The following AIG1 variants were observed in gnomAD, a reference collection of about 807,000 sequenced individuals.
The protein encoded by AIG1 is androgen induced 1, also known as androgen-induced gene 1 protein.
In AIG1, 23 loss-of-function variants were observed where a neutral mutation model predicts 31.4. That is an observed-to-expected ratio of 0.73 (90% CI 0.53 to 1.04). The LOEUF is 1.04. AIG1 is among the 50% of genes least tolerant of loss of function. The pLI is 0.00. For synonymous variants in AIG1, 100 were observed against 110.5 expected (o/e 0.90, Z 0.60); for missense variants, 274 against 295.0 (o/e 0.93, Z 0.52).
At chr6:143,301,707 C>A (rs974103062) in intron 4 of AIG1, among the ~76,000 whole-genome samples, 5 of 152,072 alleles carry the variant, frequency 3.3e-5, no homozygotes, top group African/African-American at 4.8e-5. Context: ...GGGAAACTGC[C>A]CCCATGATTC....
chr6:143,235,997 G>C (rs546921341), intron 3 of AIG1, among the ~76,000 whole-genome samples: 1 of 152,174 alleles, frequency 6.6e-6, no homozygotes, highest in African/African-American at 2.4e-5. Flanking sequence ...GAGATGAGAA[G>C]ACCTTCCTAC....
intron 3 of AIG1, among the ~76,000 whole-genome samples, chr6:143,251,023 T>C (rs1270527758): frequency 2.0e-5 from 3 of 152,204 alleles, no homozygotes; most frequent in Non-Finnish European, 4.4e-5. Flanking sequence ...TTCATGTTTT[T>C]ATCTTCCAGA....
At chr6:143,189,195 C>T (rs944823088) in intron 3 of AIG1, 2 of 407,812 alleles carry the variant, frequency 4.9e-6, no homozygotes, top group South Asian at 2.0e-4. Context: ...AGATGTGGAC[C>T]ACCACCCCTG....
rs114084783 is a variant in AIG1 at position 143,156,736 on chromosome 6, A to C, written c.298-8346A>C. On this transcript the variant is annotated intron_variant, in intron 2 of 5. Coordinates refer to ENST00000357847, the MANE Select transcript of AIG1 (RefSeq NM_016108.4). ...AGAGAGGGAAGCTCACCCATATTGC[A>C]GTTGTAACTGAGACATACTAGGAGC... 4.1e-3 allele frequency among the ~76,000 whole-genome samples: 617 copies of C among 152,342 alleles called. 5 individuals are homozygous for C. The highest frequency in any genetic ancestry group is 0.014 in the African/African-American group (575 of 41,576).
At chr6:143,070,731 A>G (rs1466986213) in intron 1 of AIG1, among the ~76,000 whole-genome samples, 1 of 152,226 alleles carries the variant, frequency 6.6e-6, no homozygotes, top group Non-Finnish European at 1.5e-5. Flanking sequence ...CTGTTAACAC[A>G]TTAATCCATT....
chr6:143,246,545 T>G (rs1794637950), intron 3 of AIG1, among the ~76,000 whole-genome samples: 1 of 152,172 alleles, frequency 6.6e-6, no homozygotes, highest in Non-Finnish European at 1.5e-5. Context: ...AGATGAGATT[T>G]AGGTGGAGAC....
chr6:143,263,275 G>T (rs1202756768), intron 3 of AIG1, among the ~76,000 whole-genome samples: 5 of 146,498 alleles, frequency 3.4e-5, no homozygotes, highest in East Asian at 2.0e-4. Context: ...TCCTTTATTT[G>T]TTTTTTTTTT....
rs369502077 is a variant in AIG1 at position 143,293,198 on chromosome 6, TTCTC to T, written c.515+8983_515+8986del. ...TAGGAGAAAGGCTCATTTTCTTTTT[TTCTC>T]TCTCTCTCTTCCCCGCCACCCTTAT... On this transcript the variant is annotated intron_variant, in intron 4 of 5. Coordinates refer to ENST00000357847, the MANE Select transcript of AIG1 (RefSeq NM_016108.4). This position sits in a 1 kb window ranked among gnomAD's most constrained non-coding sequence, Gnocchi z 4.8. Among the ~76,000 whole-genome samples, 15 of 151,920 alleles carry T rather than the reference TTCTC, an allele frequency of 9.9e-5. No individual in the cohort carries two copies. Among genetic ancestry groups the T allele is most frequent in the African/African-American group, 3.6e-4 (15 of 41,364 alleles).
At chr6:143,095,845 G>A (rs1277657921) in intron 1 of AIG1, among the ~76,000 whole-genome samples, 1 of 149,156 alleles carries the variant, frequency 6.7e-6, no homozygotes, top group Non-Finnish European at 1.5e-5. Context: ...CTAATTTGCA[G>A]ACTATTGGTC....
chr6:143,202,647 T>A (rs908967073), intron 3 of AIG1, among the ~76,000 whole-genome samples: 13 of 152,100 alleles, frequency 8.5e-5, no homozygotes, highest in Non-Finnish European at 5.9e-5. Flanking sequence ...GAATCTGCAG[T>A]TTAGGTGCTG....
intron 3 of AIG1, among the ~76,000 whole-genome samples, chr6:143,227,142 C>A (rs1453955633): frequency 6.6e-6 from 1 of 152,122 alleles, no homozygotes; most frequent in East Asian, 1.9e-4. Flanking sequence ...GTCTGAACTT[C>A]TATCATCAAA....
At chr6:143,194,229 C>T (rs1484001358) in intron 3 of AIG1, among the ~76,000 whole-genome samples, 1 of 152,104 alleles carries the variant, frequency 6.6e-6, no homozygotes, top group East Asian at 1.9e-4. Flanking sequence ...AGGAAGCAGG[C>T]GTGTCTTACA....
chr6:143,200,886 G>A (rs530630153), intron 3 of AIG1, among the ~76,000 whole-genome samples: 58 of 151,768 alleles, frequency 3.8e-4, no homozygotes, highest in African/African-American at 1.4e-3. Flanking sequence ...AGTCAACAAA[G>A]CACCCACATT....
chr6:143,303,944 C>A (rs999481322), intron 4 of AIG1, among the ~76,000 whole-genome samples: 3 of 148,004 alleles, frequency 2.0e-5, no homozygotes, highest in African/African-American at 5.0e-5. Context: ...TGCTTCACAT[C>A]CCTTGTAAAT....
At chr6:143,252,033 A>G (rs1369111654) in intron 3 of AIG1, among the ~76,000 whole-genome samples, 2 of 152,148 alleles carry the variant, frequency 1.3e-5, no homozygotes, top group African/African-American at 4.8e-5. Context: ...TGGAAAGCAG[A>G]TATTTATGTG....
chr6:143,212,966 G>A (rs1791704397), intron 3 of AIG1, among the ~76,000 whole-genome samples: 1 of 152,028 alleles, frequency 6.6e-6, no homozygotes, highest in Non-Finnish European at 1.5e-5. Flanking sequence ...TATGACAGAG[G>A]GAGAAAAAAA....
At chr6:143,342,367 G>A (rs183922844), downstream of AIG1, 12 of 676,092 alleles carry the variant, frequency 1.8e-5, no homozygotes, top group East Asian at 2.7e-5. Context: ...CTGCTTAGAC[G>A]CAGGTTTAAC....
chr6:143,247,052 G>C (rs1391243999), intron 3 of AIG1, among the ~76,000 whole-genome samples: 2 of 152,144 alleles, frequency 1.3e-5, no homozygotes, highest in East Asian at 3.9e-4. Context: ...GGAGTTATAG[G>C]GCATTAACTC....
At position 143,200,472 on chromosome 6, in the gene AIG1, T is replaced by C. The variant is rs566352526; in HGVS notation, c.399+35289T>C. On this transcript the variant is annotated intron_variant, in intron 3 of 5. Coordinates refer to ENST00000357847, the MANE Select transcript of AIG1 (RefSeq NM_016108.4). ...CAGTGCCCCCATATCTCTACTTTAT[T>C]TCTCCTTTCTCCCTCACTCTAAGCT... 9.2e-5 allele frequency among the ~76,000 whole-genome samples: 14 copies of C among 152,166 alleles called. No homozygotes were observed. The South Asian group carries it at 2.7e-3, about 29-fold the overall frequency.
Sources: allele counts gnomAD v4.1 joint callset (sites outside exome capture counted in the v4.1 genomes callset), GRCh38; gene constraint gnomAD v4.1.1; non-coding constraint Gnocchi (gnomAD v3.1); transcripts MANE v1.5; gene names NCBI Gene and HGNC (gene_info 2026-07-23, HGNC 2026-07-21).